NAV2: variants seen among roughly 807,000 people sequenced by gnomAD.
NAV2 encodes the protein neuron navigator 2.
NAV2 carries 54 observed loss-of-function variants against 223.2 expected under a neutral mutation model. The ratio of observed to expected loss-of-function variants is 0.24; its 90% CI spans 0.19 to 0.30. NAV2 has a LOEUF of 0.30. NAV2 is among the 10% of genes least tolerant of loss of function. The pLI is 1.00. For missense variants in NAV2, 2,806 were observed against 3,147.5 expected, an observed-to-expected ratio of 0.89 and a Z score of 2.60; for synonymous variants, 1,279 against 1,239.3, an observed-to-expected ratio of 1.03 and a Z score of -0.67.
At chr11:19,485,053 C>G (rs1564975745) in intron 1 of NAV2, among the ~76,000 whole-genome samples, 1 of 151,146 alleles carries the variant, frequency 6.6e-6, no homozygotes, top group Admixed American at 6.6e-5. Flanking sequence ...GAGGCCCAGG[C>G]TACAGACTCA....
At chr11:19,375,541 T>G (rs941291583) in intron 1 of NAV2, among the ~76,000 whole-genome samples, 2 of 152,232 alleles carry the variant, frequency 1.3e-5, no homozygotes, top group Non-Finnish European at 2.9e-5. Context: ...TCCCAGCCTC[T>G]CCTTCCTATT....
At chr11:19,678,786 C>G (rs576474111) in intron 1 of NAV2, among the ~76,000 whole-genome samples, 20 of 152,260 alleles carry the variant, frequency 1.3e-4, no homozygotes, top group African/African-American at 4.6e-4. Flanking sequence ...CCCGGATTGG[C>G]CAGGCAGCTG....
intron 22 of NAV2, among the ~76,000 whole-genome samples, chr11:20,076,887 A>G (rs2059789389): frequency 1.3e-5 from 2 of 152,372 alleles, no homozygotes; most frequent in Non-Finnish European, 1.5e-5. Flanking sequence ...AAGTGTATAA[A>G]ACTACGTGAA....
chr11:19,685,168 C>T (rs1428706648), intron 1 of NAV2, among the ~76,000 whole-genome samples: 2 of 152,214 alleles, frequency 1.3e-5, no homozygotes, highest in African/African-American at 4.8e-5. Flanking sequence ...GAAGGCCCCA[C>T]AGACTGCTTA....
At chr11:19,368,670 A>T (rs1848371075) in intron 1 of NAV2, among the ~76,000 whole-genome samples, 2 of 152,248 alleles carry the variant, frequency 1.3e-5, no homozygotes, top group South Asian at 4.1e-4. Context: ...GTTACGGTTT[A>T]TATTTTATAA....
At chr11:19,551,603 G>T (rs2134655485) in intron 1 of NAV2, among the ~76,000 whole-genome samples, 1 of 152,358 alleles carries the variant, frequency 6.6e-6, no homozygotes, top group South Asian at 2.1e-4. Flanking sequence ...GCTGATGGAG[G>T]TTATACACCG....
intron 25 of NAV2, among the ~76,000 whole-genome samples, chr11:20,082,264 A>G (rs1022403068): frequency 6.6e-6 from 1 of 152,198 alleles, no homozygotes; most frequent in East Asian, 1.9e-4. Flanking sequence ...TTTAAAGCAC[A>G]GAGAGGTGAC....
chr11:20,056,635 A>T (rs767010238), intron 19 of NAV2: 1 of 1,592,612 alleles, frequency 6.3e-7, no homozygotes, highest in Non-Finnish European at 8.6e-7. Flanking sequence ...TTAGGTGAGT[A>T]AGCAGTCAAA....
chr11:19,455,266 T>C (rs570609792), intron 1 of NAV2, among the ~76,000 whole-genome samples: 1 of 152,290 alleles, frequency 6.6e-6, no homozygotes, highest in African/African-American at 2.4e-5. Flanking sequence ...TTTACAAAAA[T>C]GTTTATGGCT....
chr11:19,886,173 T>G (rs2040953997), intron 5 of NAV2, among the ~76,000 whole-genome samples: 1 of 151,040 alleles, frequency 6.6e-6, no homozygotes, highest in African/African-American at 2.4e-5. Context: ...AGGTGGGGTC[T>G]CTCAATGTTA....
Position 19,538,181 on chromosome 11 carries a change from G to T in NAV2, c.75+187154G>T, listed in dbSNP as rs1363299115. ...CTTCAAATGTCATTGATATTGGAAGGATCCTGGTGAGGTCCAATAACGCAG... is the reference window on the plus strand; with the variant it reads ...CTTCAAATGTCATTGATATTGGAAGTATCCTGGTGAGGTCCAATAACGCAG... On this transcript the variant is annotated intron_variant, in intron 1 of 37. Transcript: ENST00000360655. Among the ~76,000 whole-genome samples the T allele has an allele frequency of 3.3e-5, 5 of 152,160 alleles. No individual in the cohort carries two copies. In the East Asian group the frequency reaches 7.7e-4, roughly 23 times the overall value.
intron 1 of NAV2, among the ~76,000 whole-genome samples, chr11:19,512,434 A>G (rs2043308755): frequency 6.6e-6 from 1 of 152,180 alleles, no homozygotes; most frequent in Admixed American, 6.5e-5. Context: ...GCCAACTACC[A>G]ATGGCCCATG....
intron 1 of NAV2, among the ~76,000 whole-genome samples, chr11:19,481,850 G>T (rs1276488036): frequency 6.6e-6 from 1 of 152,212 alleles, no homozygotes; most frequent in South Asian, 2.1e-4. Context: ...GCCCACAAAG[G>T]TGGGGAGGGA....
chr11:19,629,383 A>C (rs1043520014), intron 1 of NAV2, among the ~76,000 whole-genome samples: 1 of 152,138 alleles, frequency 6.6e-6, no homozygotes, highest in African/African-American at 2.4e-5. Context: ...GCTATGTAAG[A>C]AAAACTCTCT....
intron 7 of NAV2, among the ~76,000 whole-genome samples, chr11:19,935,308 A>C (rs768251552): frequency 7.9e-5 from 12 of 152,246 alleles, no homozygotes; most frequent in Non-Finnish European, 1.3e-4. Flanking sequence ...TTACAGTTGT[A>C]ACTCAAGTGC....
chr11:19,847,513 C>T (rs2060877480), intron 3 of NAV2, among the ~76,000 whole-genome samples: 1 of 152,174 alleles, frequency 6.6e-6, no homozygotes, highest in Admixed American at 6.5e-5. Context: ...CCAGCCTGAG[C>T]TTGGGGACCA....
At chr11:19,731,285 T>C (rs75592792) in intron 1 of NAV2, among the ~76,000 whole-genome samples, 5,611 of 152,292 alleles carry the variant, frequency 0.037, 349 homozygotes, top group African/African-American at 0.13. Flanking sequence ...GCCCCCAGTG[T>C]TACCCACACC....
At chr11:19,402,457 C>T (rs1849726831) in intron 1 of NAV2, among the ~76,000 whole-genome samples, 2 of 152,188 alleles carry the variant, frequency 1.3e-5, no homozygotes, top group African/African-American at 4.8e-5. Context: ...AGGTCCCCTG[C>T]TATATGCTTT....
At position 20,087,310 on chromosome 11, in the gene NAV2, C is replaced by T. The variant is rs1329183093; in HGVS notation, c.5499-3555C>T. On this transcript the variant is annotated intron_variant, in intron 26 of 37. Coordinates refer to ENST00000349880, the MANE Select transcript of NAV2 (RefSeq NM_145117.5). Reference sequence around the variant, plus strand: ...CGGGTGGGGTTGGCTCCTGGCTCCCCAGCCCTTTTCTTACATTCCACAGCA... The same window carrying T: ...CGGGTGGGGTTGGCTCCTGGCTCCCTAGCCCTTTTCTTACATTCCACAGCA... Among the ~76,000 whole-genome samples the T allele has an allele frequency of 1.3e-5, 2 of 152,184 alleles. 1 individual carries two copies. Among genetic ancestry groups the T allele is most frequent in the Non-Finnish European group, 2.9e-5 (2 of 68,036 alleles).
Sources: allele counts gnomAD v4.1 joint callset (sites outside exome capture counted in the v4.1 genomes callset), GRCh38; gene constraint gnomAD v4.1.1; transcripts MANE v1.5; gene names NCBI Gene and HGNC (gene_info 2026-07-23, HGNC 2026-07-21).